ZDBF2: variants seen among roughly 807,000 people sequenced by gnomAD.
ZDBF2 encodes zinc finger DBF-type containing 2, also known as DBF4-type zinc finger-containing protein 2.
A neutral mutation model predicts 9.4 loss-of-function variants in ZDBF2; 6 were observed. That is an observed-to-expected ratio of 0.64 (90% CI 0.35 to 1.27). ZDBF2 has a LOEUF of 1.27. Ranked by LOEUF, ZDBF2 falls within the 50% of genes most tolerant of loss-of-function variation. ZDBF2 has a pLI of 0.03. For synonymous variants in ZDBF2, 905 were observed against 946.3 expected, an observed-to-expected ratio of 0.96 and a Z score of 0.80; for missense variants, 2,697 against 2,766.8, an observed-to-expected ratio of 0.97 and a Z score of 0.57.
chr2:206,301,635 A>G (rs1692504882), intron 4 of ZDBF2, among the ~76,000 whole-genome samples: 1 of 152,110 alleles, frequency 6.6e-6, no homozygotes, highest in African/African-American at 2.4e-5. Context: ...TTTATTATGT[A>G]TGTATAAACT....
chr2:206,291,562 C>T (rs187401172), intron 3 of ZDBF2, among the ~76,000 whole-genome samples: 94 of 152,228 alleles, frequency 6.2e-4, no homozygotes, highest in African/African-American at 1.6e-3. Context: ...ACTGTTAGGA[C>T]TTCATTTAAC....
chr2:206,310,671 A>G lies in ZDBF2; in HGVS notation c.6143A>G (p.Asn2048Ser). The G allele has an allele frequency of 1.2e-6, 2 of 1,611,966 alleles. No individual in the cohort carries two copies. Among genetic ancestry groups the G allele is most frequent in the Non-Finnish European group, 1.7e-6 (2 of 1,178,938 alleles). Residue 2048 changes from asparagine to serine, a missense_variant, in exon 5 of 5, where the codon AAT becomes AGT. Around this residue, in one of 3 missense-constraint regions of ZDBF2, gnomAD observed 1,783 missense variants for 1,776.5 expected, o/e 1.00. Transcript: ENST00000374423. ...DIRFICKYKR[N>S]IFDYYEPLIK... ...CGGTTTATATGCAAATATAAACGGA[A>G]TATCTTTGATTATTATGAGCCCTTG...
chr2:206,275,125 G>T (rs894400496), intron 1 of ZDBF2, among the ~76,000 whole-genome samples, 179 bp downstream of exon 1: 1 of 152,104 alleles, frequency 6.6e-6, no homozygotes, highest in Non-Finnish European at 1.5e-5. Flanking sequence ...CCCCTGCTGC[G>T]TGAGAGGTGT....
At chr2:206,303,384 G>A (rs962185984) in intron 4 of ZDBF2, among the ~76,000 whole-genome samples, 2 of 152,098 alleles carry the variant, frequency 1.3e-5, no homozygotes, top group Admixed American at 6.6e-5. Flanking sequence ...CATAGTGCCT[G>A]TAATGCAGTA....
Position 206,307,429 on chromosome 2 carries a change from G to A in ZDBF2, c.2901G>A (p.Ala967=), listed in dbSNP as rs543804283. ...ATTCTGATGTCCCTCTTCAGGCAGC[G>A]ACTCACAAACCTGAAGTAATTGTCA... ...SLDSDVPLQA[A]THKPEVIVKE... Residue 967 remains alanine (A), a synonymous_variant, in exon 5 of 5, where the codon GCG becomes GCA. Transcript: ENST00000374423. 127 of 1,611,910 alleles carry A rather than the reference G, an allele frequency of 7.9e-5. 2 individuals are homozygous for A. The South Asian group carries it at 1.1e-3, about 14-fold the overall frequency.
rs1397542613 is a variant in ZDBF2, at chr2:206,307,217, C to A, written c.2689C>A (p.Gln897Lys). The A allele has an allele frequency of 6.2e-7, 1 of 1,610,816 alleles. No individual in the cohort carries two copies. The highest frequency in any genetic ancestry group is 8.5e-7 in the Non-Finnish European group (1 of 1,179,104). The part of the protein sequence containing the change: ...PEVAVKKLNP[Q>K]KEEQVHLENK... ...AGTAGCTGTTAAAAAGCTAAATCCT[C>A]AAAAAGAAGAGCAGGTACACTTAGA... The change falls in exon 5 of 5, where the codon CAA becomes AAA. Residue 897 changes from glutamine to lysine, a missense_variant. Around this residue, in one of 3 missense-constraint regions of ZDBF2, gnomAD observed 1,783 missense variants for 1,776.5 expected, o/e 1.00. Coordinates refer to ENST00000374423, the MANE Select transcript of ZDBF2 (RefSeq NM_020923.3).
rs1367096317 is a variant in ZDBF2 at position 206,306,928 on chromosome 2, A to G, written c.2400A>G (p.Ser800=). The change falls in exon 5 of 5, where the codon TCA becomes TCG. Residue 800 remains serine, a synonymous_variant. Transcript: ENST00000374423. ...ITFDSDIPLY[S]VIDQPEVAVY... is the part of the protein sequence containing the mutation. ...TTGATTCTGATATTCCTCTTTATTC[A>G]GTAATTGACCAACCTGAAGTAGCTG... The G allele has an allele frequency of 1.2e-6, 2 of 1,613,692 alleles. No individual in the cohort carries two copies. The highest frequency in any genetic ancestry group is 1.7e-6 in the Non-Finnish European group (2 of 1,179,742).
Position 206,311,311 on chromosome 2 carries a change from G to A in ZDBF2, c.6783G>A (p.Lys2261=), listed in dbSNP as rs1412810029. ...KKKSVVSRLK[K]AKRTAKVLLN... is the part of the protein sequence containing the mutation. ...AATCTGTTGTCAGTAGGCTAAAGAAGGCGAAGAGAACAGCTAAAGTGCTTT... is the reference window on the plus strand; with the variant it reads ...AATCTGTTGTCAGTAGGCTAAAGAAAGCGAAGAGAACAGCTAAAGTGCTTT... The change falls in exon 5 of 5, where the codon AAG becomes AAA. Residue 2261 remains lysine (K), a synonymous_variant. Transcript: ENST00000374423. The A allele has an allele frequency of 6.2e-7, 1 of 1,605,614 alleles. No homozygotes were observed. Among genetic ancestry groups the A allele is most frequent in the Non-Finnish European group, 8.5e-7 (1 of 1,175,416 alleles).
At chr2:206,295,398 C>G (rs1446197148) in intron 3 of ZDBF2, among the ~76,000 whole-genome samples, 1 of 134,142 alleles carries the variant, frequency 7.5e-6, no homozygotes, top group Admixed American at 8.6e-5. Context: ...GAGCCTCACT[C>G]TGTCACCCAG....
At chr2:206,281,306 A>G (rs1014289041) in intron 2 of ZDBF2, among the ~76,000 whole-genome samples, 12 of 152,364 alleles carry the variant, frequency 7.9e-5, no homozygotes, top group African/African-American at 2.9e-4. Context: ...ACTGTGTTGG[A>G]TAAATTATTT....
rs1692811679 is a variant in ZDBF2 at position 206,306,561 on chromosome 2, A to G, written c.2033A>G (p.Asp678Gly). The G allele has an allele frequency of 6.2e-7, 1 of 1,613,664 alleles. No homozygotes were observed. The highest frequency in any genetic ancestry group is 8.5e-7 in the Non-Finnish European group (1 of 1,179,760). Residue 678 changes from aspartate to glycine, a missense_variant, in exon 5 of 5, where the codon GAC (aspartate) becomes GGC (glycine). By Grantham distance (94) the Asp-to-Gly change is moderately conservative. Transcript: ENST00000374423. ...TTTCAGGCTGATGCTCAATTAGCTGACCAGTCTCAAGTAGCCGAAATAGAG... is the reference window on the plus strand; with the variant it reads ...TTTCAGGCTGATGCTCAATTAGCTGGCCAGTCTCAAGTAGCCGAAATAGAG... Reference protein sequence around the residue: ...MGFQADAQLADQSQVAEIERQ... With the variant: ...MGFQADAQLAGQSQVAEIERQ...
intron 3 of ZDBF2, among the ~76,000 whole-genome samples, chr2:206,284,079 C>T (rs766660709): frequency 2.2e-4 from 33 of 151,974 alleles, no homozygotes; most frequent in Non-Finnish European, 1.5e-4. Context: ...AGATTTATGC[C>T]TATGTTTTCT....
At chr2:206,297,702 G>A (rs896848929) in intron 4 of ZDBF2, among the ~76,000 whole-genome samples, 5 of 152,006 alleles carry the variant, frequency 3.3e-5, no homozygotes, top group Admixed American at 1.3e-4. Flanking sequence ...TTTTTGAGAT[G>A]GAGTTTCGCT....
rs1574424333 is a variant in ZDBF2, at chr2:206,309,806, A to G, written c.5278A>G (p.Thr1760Ala). 6.2e-6 allele frequency: 10 copies of G among 1,613,800 alleles called. No individual in the cohort carries two copies. The highest frequency in any genetic ancestry group is 2.7e-5 in the African/African-American group (2 of 74,908). Residue 1760 changes from threonine (T) to alanine (A), a missense_variant, in exon 5 of 5, where the codon ACT (threonine) becomes GCT (alanine). Physicochemically the swap from Thr to Ala is moderately conservative, Grantham distance 58. Transcript: ENST00000374423. ...FQCAPPLPSD[T>A]DQPQETVKKR... ...GTGTGCTCCCCCTCTTCCATCTGATACTGATCAGCCTCAAGAAACTGTTAA... is the reference window on the plus strand; with the variant it reads ...GTGTGCTCCCCCTCTTCCATCTGATGCTGATCAGCCTCAAGAAACTGTTAA...
In ZDBF2 at chr2:206,307,903, A is replaced by G. The variant is rs7582864; in HGVS notation, c.3375A>G (p.Gln1125=). 0.57 allele frequency: 924,954 copies of G among 1,612,824 alleles called. 269,755 individuals carry two copies. Among genetic ancestry groups the G allele is most frequent in the Non-Finnish European group, 0.61 (716,582 of 1,179,400 alleles). Residue 1125 remains glutamine (Q), a synonymous_variant, in exon 5 of 5, where the codon CAA becomes CAG. Coordinates refer to ENST00000374423, the MANE Select transcript of ZDBF2 (RefSeq NM_020923.3). ...KLIHHPDVSV[Q]SVADQPKVAI... The stretch of plus-strand genomic sequence containing the variant: ...TACATCATCCTGATGTTTCTGTCCA[A>G]TCTGTGGCTGATCAACCCAAAGTAG...
intron 3 of ZDBF2, among the ~76,000 whole-genome samples, chr2:206,296,355 A>G (rs967194594): frequency 2.6e-5 from 4 of 152,152 alleles, no homozygotes; most frequent in Non-Finnish European, 4.4e-5. Flanking sequence ...CCCATTAGTC[A>G]CTCAGTAGCT....
intron 3 of ZDBF2, chr2:206,291,960 G>A: frequency 5.0e-6 from 2 of 397,050 alleles, no homozygotes; most frequent in Non-Finnish European, 8.9e-6. Flanking sequence ...AATAAGGAAG[G>A]TGAAATAAAA....
Position 206,311,415 on chromosome 2 carries a change from G to A in ZDBF2, c.6887G>A (p.Arg2296Gln), listed in dbSNP as rs373006533. The change falls in exon 5 of 5, where the codon CGG becomes CAG. Residue 2296 changes from arginine (R) to glutamine (Q), a missense_variant. Physicochemically the swap from Arg to Gln is conservative, Grantham distance 43 (BLOSUM62 1). Around this residue, in one of 3 missense-constraint regions of ZDBF2, gnomAD observed 1,783 missense variants for 1,776.5 expected, o/e 1.00. Coordinates refer to ENST00000374423, the MANE Select transcript of ZDBF2 (RefSeq NM_020923.3). ...AATCCTCCTCCAAAGCGACCTGTGC[G>A]GGCTTCTTGCCGCGTTGCAAGAAGG... ...MANPPPKRPV[R>Q]ASCRVARRRK... The A allele has an allele frequency of 3.3e-5, 53 of 1,609,800 alleles. No individual in the cohort carries two copies. Among genetic ancestry groups the A allele is most frequent in the Non-Finnish European group, 4.3e-5 (51 of 1,178,378 alleles).
Position 206,311,033 on chromosome 2 carries a change from G to GA in ZDBF2, c.6508dup (p.Ser2170LysfsTer4). The GA allele has an allele frequency of 6.2e-7, 1 of 1,610,396 alleles. No individual in the cohort carries two copies. The highest frequency in any genetic ancestry group is 8.5e-7 in the Non-Finnish European group (1 of 1,179,098). ...AAAATCAGTTAGAAATAAGCTTTTG[G>GA]AAAGTCAAAGTAAAAAGAAAATTCA... On this transcript the variant is annotated frameshift_variant, in exon 5 of 5. Coordinates refer to ENST00000374423, the MANE Select transcript of ZDBF2 (RefSeq NM_020923.3). LOFTEE classifies it low-confidence loss of function (END_TRUNC).
Sources: allele counts gnomAD v4.1 joint callset (sites outside exome capture counted in the v4.1 genomes callset), GRCh38; gene constraint gnomAD v4.1.1; regional missense constraint gnomAD v4.1.1; transcripts MANE v1.5; gene names NCBI Gene and HGNC (gene_info 2026-07-23, HGNC 2026-07-21).